The following CCDC157 variants were observed in gnomAD, a reference collection of about 807,000 sequenced individuals.
The protein encoded by CCDC157 is coiled-coil domain-containing protein 157.
In CCDC157, 60 loss-of-function variants were observed where a neutral mutation model predicts 70.9. The observed-to-expected ratio is 0.85, with a 90% confidence interval of 0.69 to 1.05. The LOEUF is 1.05. Ranked by LOEUF, CCDC157 falls within the 50% of genes least tolerant of loss-of-function variation. The probability of loss-of-function intolerance (pLI) is 0.00; values close to 1 mark genes in which losing one functional copy is unlikely to be tolerated. For missense variants in CCDC157, 943 were observed against 984.2 expected (o/e 0.96, Z 0.56); for synonymous variants, 373 against 422.4 (o/e 0.88, Z 1.43).
intron 5 of CCDC157, 200 bp from the exon 6 acceptor site, chr22:30,371,448 GAC>G (rs1932935549): frequency 1.7e-6 from 1 of 598,934 alleles, no homozygotes; most frequent in Admixed American, 2.9e-5. Flanking sequence ...GAGAGGTGTA[GAC>G]ACATGGCAGC....
chr22:30,372,538 G>T (rs964977338), intron 7 of CCDC157: 5 of 447,762 alleles, frequency 1.1e-5, no homozygotes, highest in Non-Finnish European at 1.9e-5. Flanking sequence ...AGATGAGCAG[G>T]TGTGCCACAC....
At chr22:30,359,961 A>G (rs1932215208) in intron 1 of CCDC157, among the ~76,000 whole-genome samples, 1 of 152,170 alleles carries the variant, frequency 6.6e-6, no homozygotes, top group Non-Finnish European at 1.5e-5. Flanking sequence ...CCTGGGCAAC[A>G]TAGCAAGTCT....
intron 3 of CCDC157, chr22:30,366,506 G>T (rs772499135): frequency 1.8e-6 from 1 of 547,056 alleles, no homozygotes. Context: ...CCATTCCATC[G>T]GTCTCTGTGG....
chr22:30,373,360 G>C, intron 7 of CCDC157: 1 of 547,028 alleles, frequency 1.8e-6, no homozygotes, highest in Non-Finnish European at 3.3e-6. Flanking sequence ...CGTTCCAAGG[G>C]CCGGGGTCTT....
chr22:30,378,045 G>GTCCC lies in CCDC157; in HGVS notation c.*1300_*1301insTCCC. 2.1e-6 allele frequency: 1 copy of GTCCC among 465,670 alleles called. No homozygotes were observed. The highest frequency in any genetic ancestry group is 4.5e-6 in the Non-Finnish European group (1 of 224,350). The allele number at this position is 465,670 out of a possible 1,614,324, so 28.8% of individuals were successfully genotyped here. A position where few individuals can be genotyped will look rare whatever the true frequency, so the allele number is the denominator to read the frequency against. On this transcript the variant is annotated 3_prime_UTR_variant, in exon 12 of 12. Transcript: ENST00000338306. ...CAGAATTCCGATCCTTGCGGCTGTG[G>GTCCC]GACTGAGGTCCCCATGTCCTCGCTG...
At chr22:30,359,676 T>C (rs1932194353) in intron 1 of CCDC157, among the ~76,000 whole-genome samples, 1 of 152,238 alleles carries the variant, frequency 6.6e-6, no homozygotes, top group Non-Finnish European at 1.5e-5. Flanking sequence ...TGAGACTTAA[T>C]ACCATAAAAA....
intron 4 of CCDC157, chr22:30,369,881 G>A (rs1032334691): frequency 2.4e-5 from 11 of 465,028 alleles, no homozygotes; most frequent in Non-Finnish European, 4.2e-5. Context: ...TCTATACAAC[G>A]GAGGTCATGT....
chr22:30,365,937 C>T (rs1455262144), intron 2 of CCDC157, 53 bp from the exon 3 acceptor site: 1 of 1,502,230 alleles, frequency 6.7e-7, no homozygotes, highest in Non-Finnish European at 8.9e-7. Flanking sequence ...GGAGTTTCCT[C>T]CTGCAGCAGC....
chr22:30,370,894 A>T lies in CCDC157; in HGVS notation c.989A>T (p.Glu330Val). ...QEQGARRRQAEEDEQCLSEWE... is the reference protein window; with the variant it reads ...QEQGARRRQAVEDEQCLSEWE... ...CAGGGGGCACGGCGGCGACAGGCGG[A>T]GGAGGATGAGCAGTGCCTGTCTGAG... The change falls in exon 5 of 12, where the codon GAG becomes GTG. Residue 330 changes from glutamate (E) to valine (V), a missense_variant. Glu to Val is a moderately radical substitution (Grantham distance 121). Transcript: ENST00000338306. 1 of 1,611,176 alleles carries T rather than the reference A, an allele frequency of 6.2e-7. No homozygotes were observed. The highest frequency in any genetic ancestry group is 8.5e-7 in the Non-Finnish European group (1 of 1,179,842).
chr22:30,361,412 G>A (rs184534177), intron 1 of CCDC157, among the ~76,000 whole-genome samples: 1 of 152,182 alleles, frequency 6.6e-6, no homozygotes, highest in East Asian at 1.9e-4. Flanking sequence ...GGGTCTTCAG[G>A]GGAGGAGGGG....
intron 8 of CCDC157, 35 bp downstream of exon 8, chr22:30,373,799 T>C (rs1245877126): frequency 6.5e-7 from 1 of 1,536,102 alleles, no homozygotes; most frequent in Admixed American, 2.0e-5. Flanking sequence ...GCCAGAGAAG[T>C]CTCCGGCCAA....
chr22:30,372,035 C>T (rs935609931), intron 6 of CCDC157, 40 bp from the exon 7 acceptor site: 1 of 1,359,164 alleles, frequency 7.4e-7, no homozygotes, highest in Admixed American at 2.0e-5. Flanking sequence ...GTACAGCGCT[C>T]CCCTGCCCTA....
At chr22:30,373,845 G>C (rs1180216467) in intron 8 of CCDC157, 78 bp from the exon 9 acceptor site, 7 of 1,537,296 alleles carry the variant, frequency 4.6e-6, no homozygotes. Context: ...GTCTTTTCTT[G>C]GGTAGGGACG....
At position 30,373,324 on chromosome 22, in the gene CCDC157, G is replaced by T. The variant is rs774398323; in HGVS notation, c.1336-273G>T. 188 of 479,084 alleles carry T rather than the reference G, an allele frequency of 3.9e-4. 1 individual carries two copies. Among genetic ancestry groups the T allele is most frequent in the Non-Finnish European group, 5.6e-4 (149 of 266,554 alleles). 29.7% of individuals were successfully genotyped at this position (479,084 alleles called of 1,614,324 possible). ...TGTGTATGACTGGAAGGAAGTGGGG[G>T]TGAGACCCCCAGAGCCAGCCATCTG... On this transcript the variant is annotated intron_variant, in intron 7 of 11. Transcript: ENST00000338306.
In CCDC157 at chr22:30,377,034, G is replaced by A; in HGVS notation, c.*289G>A. The A allele has an allele frequency of 2.1e-6, 1 of 487,558 alleles. No homozygotes were observed. The highest frequency in any genetic ancestry group is 3.4e-5 in the Admixed American group (1 of 29,842). 30.2% of individuals were successfully genotyped at this position (487,558 alleles called of 1,614,324 possible). ...CACCCAGGGCAGAGGAAGCTCCTAAGACCTGGGCCAGGTGAAGGTCCGTTT... is the reference window on the plus strand; with the variant it reads ...CACCCAGGGCAGAGGAAGCTCCTAAAACCTGGGCCAGGTGAAGGTCCGTTT... On this transcript the variant is annotated 3_prime_UTR_variant, in exon 12 of 12. Coordinates refer to ENST00000338306, the MANE Select transcript of CCDC157 (RefSeq NM_001017437.5).
chr22:30,360,970 C>G (rs927708028), intron 1 of CCDC157, among the ~76,000 whole-genome samples: 5 of 152,086 alleles, frequency 3.3e-5, no homozygotes, highest in African/African-American at 1.2e-4. Context: ...TCACTTGAAC[C>G]CAGGAAGTGG....
rs766492462 is a variant in CCDC157, at chr22:30,376,342, C to T, written c.1941C>T (p.Ser647=). The change falls in exon 11 of 12, where the codon TCC becomes TCT. Residue 647 remains serine (S), a synonymous_variant. Transcript: ENST00000338306. ...CACCAGTCCAGGCCAAGAGCACATC[C>T]CCAGGGTGAGTGAGGCTTTACTGGA... ...ATPPVQAKST[S]PGPLGRQHLP... 2 of 1,613,788 alleles carry T rather than the reference C, an allele frequency of 1.2e-6. No individual in the cohort carries two copies. Among genetic ancestry groups the T allele is most frequent in the Non-Finnish European group, 1.7e-6 (2 of 1,179,892 alleles).
Position 30,373,905 on chromosome 22 carries a change from A to G in CCDC157, c.1504-18A>G. Reference sequence around the variant, plus strand: ...GTAGCTCACTCAGGAGCCAGGCCTGAGCCTCCGTCTGTCCCAGGAGCTGCT... The same window carrying G: ...GTAGCTCACTCAGGAGCCAGGCCTGGGCCTCCGTCTGTCCCAGGAGCTGCT... On this transcript the variant is annotated intron_variant, in intron 8 of 11. Transcript: ENST00000338306. The G allele has an allele frequency of 6.3e-7, 1 of 1,598,518 alleles. No homozygotes were observed. The highest frequency in any genetic ancestry group is 8.5e-7 in the Non-Finnish European group (1 of 1,172,446).
intron 3 of CCDC157, among the ~76,000 whole-genome samples, chr22:30,367,324 C>G (rs1465638455): frequency 6.6e-6 from 1 of 151,902 alleles, no homozygotes; most frequent in Non-Finnish European, 1.5e-5. Flanking sequence ...CAACCTCCAC[C>G]TCCTGGGTTC....
Sources: allele counts gnomAD v4.1 joint callset (sites outside exome capture counted in the v4.1 genomes callset), GRCh38; gene constraint gnomAD v4.1.1; transcripts MANE v1.5; gene names NCBI Gene and HGNC (gene_info 2026-07-23, HGNC 2026-07-21).